Variants in CNBD1 observed in about 807,000 individuals in gnomAD.
CNBD1 encodes the protein cyclic nucleotide binding domain containing 1.
A neutral mutation model predicts 54.4 loss-of-function variants in CNBD1; 71 were observed. The ratio of observed to expected loss-of-function variants is 1.30; its 90% CI spans 1.08 to 1.59. The LOEUF (loss-of-function observed/expected upper bound fraction) is 1.59. Among genes scored for constraint, CNBD1 ranks in the 40% most tolerant of loss-of-function variants. The probability of loss-of-function intolerance (pLI) is 0.00; values close to 1 mark genes in which losing one functional copy is unlikely to be tolerated. For synonymous variants in CNBD1, 182 were observed against 170.7 expected (o/e 1.07, Z -0.51); for missense variants, 659 against 518.0 (o/e 1.27, Z -2.64).
chr8:87,258,938 C>A (rs183240331), intron 6 of CNBD1, among the ~76,000 whole-genome samples: 2 of 152,228 alleles, frequency 1.3e-5, no homozygotes, highest in Admixed American at 6.5e-5. Flanking sequence ...CTTGTTTAAA[C>A]CTTTAGTTTA....
intron 4 of CNBD1, among the ~76,000 whole-genome samples, chr8:87,127,609 T>G (rs1274628855): frequency 6.6e-6 from 1 of 152,170 alleles, no homozygotes; most frequent in Admixed American, 6.5e-5. Context: ...ATAAAGACAA[T>G]TTTATTTCTT....
At position 87,411,521 on chromosome 8, in the gene CNBD1, G is replaced by A. The variant is rs371395804; in HGVS notation, c.214-17025G>A. On this transcript the variant is annotated intron_variant, in intron 2 of 7. Transcript: ENST00000521593. ...TGTTGATTCATATCCAACCAATTAA[G>A]CCATTTCTTGGAAATATGTTAAGTA... 9.4e-5 allele frequency among the ~76,000 whole-genome samples: 14 copies of A among 148,818 alleles called. No homozygotes were observed. In the East Asian group the frequency reaches 1.8e-3, roughly 19 times the overall value.
At chr8:86,917,714 A>G (rs545867639) in intron 3 of CNBD1, among the ~76,000 whole-genome samples, 16 of 152,178 alleles carry the variant, frequency 1.1e-4, no homozygotes, top group Non-Finnish European at 1.5e-5. Flanking sequence ...CCTGCTGGCC[A>G]CTCTGCAACA....
intron 5 of CNBD1, among the ~76,000 whole-genome samples, chr8:87,217,619 G>A (rs1473738798): frequency 1.4e-5 from 2 of 146,224 alleles, no homozygotes; most frequent in Admixed American, 6.8e-5. Flanking sequence ...AAATGTTAAT[G>A]TCTGAAGTTA....
chr8:86,957,672 G>A (rs1282686949), intron 4 of CNBD1, among the ~76,000 whole-genome samples: 1 of 152,094 alleles, frequency 6.6e-6, no homozygotes, highest in African/African-American at 2.4e-5. Flanking sequence ...GATTGGTGGT[G>A]ATATCCCCTT....
intron 6 of CNBD1, among the ~76,000 whole-genome samples, chr8:87,270,956 A>G (rs902765925): frequency 2.6e-5 from 4 of 151,412 alleles, no homozygotes; most frequent in Admixed American, 2.6e-4. Flanking sequence ...GTTACTCATT[A>G]TTTGTTTGTT....
At chr8:87,381,354 T>G (rs1201470088) in intron 10 of CNBD1, among the ~76,000 whole-genome samples, 1 of 152,004 alleles carries the variant, frequency 6.6e-6, no homozygotes, top group Admixed American at 6.6e-5. Flanking sequence ...CTATTAGCAT[T>G]GCTTATATTT....
chr8:87,138,154 G>GATTGATCTCATCAATCCAAGATCAATCC (rs1291525068), intron 4 of CNBD1, among the ~76,000 whole-genome samples: 2 of 152,068 alleles, frequency 1.3e-5, no homozygotes, highest in Non-Finnish European at 2.9e-5. Context: ...ATCAATCCAA[G>GATTGATCTCATCAATCCAAGATCAATCC]AACACAGAGG....
chr8:87,263,624 A>C (rs960011552), intron 6 of CNBD1, among the ~76,000 whole-genome samples: 1 of 152,180 alleles, frequency 6.6e-6, no homozygotes, highest in South Asian at 2.1e-4. Flanking sequence ...TTATTCTTCT[A>C]TTATTAGTAG....
chr8:86,876,178 T>C (rs1388324277), intron 1 of CNBD1, among the ~76,000 whole-genome samples: 1 of 56,550 alleles, frequency 1.8e-5, no homozygotes, highest in Non-Finnish European at 3.1e-5. Context: ...CCTGTGTGTG[T>C]GTGTTTGTGT....
At chr8:87,305,586 C>T (rs946205806) in intron 8 of CNBD1, among the ~76,000 whole-genome samples, 5 of 152,070 alleles carry the variant, frequency 3.3e-5, no homozygotes, top group African/African-American at 1.2e-4. Context: ...GAATAGAGAA[C>T]ACAGAAATAA....
At chr8:87,013,329 C>G (rs1024615939) in intron 4 of CNBD1, among the ~76,000 whole-genome samples, 2 of 152,130 alleles carry the variant, frequency 1.3e-5, no homozygotes, top group Admixed American at 6.5e-5. Context: ...TCAGAATTAA[C>G]TAAGAATAAG....
intron 4 of CNBD1, among the ~76,000 whole-genome samples, chr8:87,126,379 C>G (rs138215119): frequency 1.3e-5 from 2 of 151,976 alleles, no homozygotes; most frequent in Middle Eastern, 3.2e-3. Context: ...TTTGAATTTG[C>G]ATTTTCCTAG....
chr8:86,982,818 C>G (rs976931530), intron 4 of CNBD1, among the ~76,000 whole-genome samples: 5 of 152,118 alleles, frequency 3.3e-5, no homozygotes, highest in Non-Finnish European at 7.3e-5. Flanking sequence ...GATTAGTACA[C>G]AACAAGCCTG....
intron 6 of CNBD1, among the ~76,000 whole-genome samples, chr8:87,282,518 T>C (rs1378506886): frequency 6.6e-6 from 1 of 151,734 alleles, no homozygotes; most frequent in Non-Finnish European, 1.5e-5. Context: ...TTGAATGTTA[T>C]TTTTCCTGAG....
At chr8:86,954,520 T>TATCTTA (rs1381643719) in intron 4 of CNBD1, among the ~76,000 whole-genome samples, 1 of 152,252 alleles carries the variant, frequency 6.6e-6, no homozygotes, top group African/African-American at 2.4e-5. Flanking sequence ...CCATTAGCTT[T>TATCTTA]ATCTTATCTA....
chr8:87,114,736 T>C (rs915281529), intron 4 of CNBD1, among the ~76,000 whole-genome samples: 2 of 152,220 alleles, frequency 1.3e-5, no homozygotes, highest in Admixed American at 6.5e-5. Context: ...TCTGCTGTTC[T>C]TGGGTTTCTT....
At chr8:87,349,731 G>T (rs983042293) in intron 8 of CNBD1, among the ~76,000 whole-genome samples, 2 of 152,156 alleles carry the variant, frequency 1.3e-5, no homozygotes, top group African/African-American at 2.4e-5. Context: ...GGTCAGGAGG[G>T]TTTTGCTGTA....
chr8:87,257,092 G>T (rs1808039117), intron 6 of CNBD1, among the ~76,000 whole-genome samples: 1 of 151,984 alleles, frequency 6.6e-6, no homozygotes, highest in Admixed American at 6.6e-5. Flanking sequence ...CAATTGGGCT[G>T]GGCATGGTGG....
Sources: gnomAD v4.1 joint callset for allele counts (sites outside exome capture counted in the v4.1 genomes callset) on GRCh38, gnomAD v4.1.1 for gene constraint, MANE v1.5 for transcripts, NCBI Gene and HGNC (gene_info 2026-07-23, HGNC 2026-07-21) for gene names.